The following TRAPPC9 variants were observed in gnomAD, a reference collection of about 807,000 sequenced individuals.
The protein encoded by TRAPPC9 is trafficking protein particle complex subunit 9, also known as IKK2 binding protein.
A neutral mutation model predicts 124.0 loss-of-function variants in TRAPPC9; 83 were observed. The ratio of observed to expected loss-of-function variants is 0.67; its 90% CI spans 0.56 to 0.80. TRAPPC9 has a LOEUF of 0.80. TRAPPC9 is among the 30% of genes least tolerant of loss of function. The pLI is 0.00. For synonymous variants in TRAPPC9, 638 were observed against 617.5 expected (o/e 1.03, Z -0.49); for missense variants, 1,302 against 1,508.3 (o/e 0.86, Z 2.27).
intron 21 of TRAPPC9, among the ~76,000 whole-genome samples, chr8:139,813,225 C>A (rs1824566153): frequency 6.6e-6 from 1 of 152,214 alleles, no homozygotes; most frequent in Admixed American, 6.5e-5. Context: ...TCTGTGTGAC[C>A]TAGAGTAAGT....
At chr8:140,365,138 A>C (rs2068072012) in intron 8 of TRAPPC9, among the ~76,000 whole-genome samples, 2 of 151,886 alleles carry the variant, frequency 1.3e-5, no homozygotes, top group Non-Finnish European at 2.9e-5. Context: ...AACAGCCACT[A>C]ACATTTGCTG....
At chr8:140,454,167 C>T (rs1397704741) in intron 1 of TRAPPC9, among the ~76,000 whole-genome samples, 1 of 152,012 alleles carries the variant, frequency 6.6e-6, no homozygotes, top group Non-Finnish European at 1.5e-5. Context: ...CACACACCCG[C>T]AGTCCCAGCT....
At chr8:140,061,012 G>C (rs1842576444) in intron 17 of TRAPPC9, among the ~76,000 whole-genome samples, 1 of 152,238 alleles carries the variant, frequency 6.6e-6, no homozygotes, top group Non-Finnish European at 1.5e-5. Flanking sequence ...GTCACAGTCT[G>C]GAGAGACTGT....
chr8:140,414,453 G>A (rs1357609069), intron 5 of TRAPPC9, among the ~76,000 whole-genome samples: 1 of 152,124 alleles, frequency 6.6e-6, no homozygotes, highest in East Asian at 1.9e-4. Context: ...AGGATTGCTT[G>A]AGCCTGAGAG....
intron 17 of TRAPPC9, among the ~76,000 whole-genome samples, chr8:140,033,658 G>GTTTTTTTTTTTTTTTGTTTGTTTTTTT (rs1840651624): frequency 2.4e-5 from 1 of 42,366 alleles, no homozygotes; most frequent in Admixed American, 3.7e-4. Context: ...TCATAATGTG[G>GTTTTTTTTTTTTTTTGTTTGTTTTTTT]TTTTTTTTTT....
intron 19 of TRAPPC9, among the ~76,000 whole-genome samples, chr8:139,937,169 G>C (rs1833585223): frequency 6.6e-6 from 1 of 152,172 alleles, no homozygotes; most frequent in African/African-American, 2.4e-5. Context: ...AGCCCCCTGT[G>C]TCTACAGGAC....
intron 21 of TRAPPC9, among the ~76,000 whole-genome samples, chr8:139,757,096 T>G (rs1586778293): frequency 3.8e-5 from 4 of 106,068 alleles, no homozygotes; most frequent in Non-Finnish European, 1.9e-5. Flanking sequence ...AGCCAGGGTT[T>G]GGGGATGAGG....
intron 21 of TRAPPC9, among the ~76,000 whole-genome samples, chr8:139,865,899 G>T (rs552763053): frequency 1.3e-5 from 2 of 152,312 alleles, no homozygotes; most frequent in South Asian, 2.1e-4. Context: ...TGCCCGAGGT[G>T]GTCGGGGTGC....
In TRAPPC9 at chr8:139,732,825, C is replaced by T. The variant is rs562737166; in HGVS notation, c.3056-623G>A. On this transcript the variant is annotated intron_variant, in intron 21 of 22. Transcript: ENST00000438773. The stretch of plus-strand genomic sequence containing the variant: ...AGAACAGGTGCTCAGGGAAGTGGCA[C>T]GGTTCTGGGACCCGTGGACCCTGCC... Among the ~76,000 whole-genome samples, 19 of 152,268 alleles carry T rather than the reference C, an allele frequency of 1.2e-4. No individual in the cohort carries two copies. In the East Asian group the frequency reaches 2.1e-3, roughly 17 times the overall value.
At chr8:139,912,731 T>G (rs1012627540) in intron 19 of TRAPPC9, among the ~76,000 whole-genome samples, 2 of 152,236 alleles carry the variant, frequency 1.3e-5, no homozygotes, top group African/African-American at 4.8e-5. Flanking sequence ...CCCTGAGGTC[T>G]GAATTACCCC....
At chr8:140,243,406 G>A (rs2063911156) in intron 16 of TRAPPC9, among the ~76,000 whole-genome samples, 1 of 152,228 alleles carries the variant, frequency 6.6e-6, no homozygotes, top group Non-Finnish European at 1.5e-5. Context: ...ACCATGTGCT[G>A]AGAGGAAGGG....
At chr8:139,882,684 G>T (rs569613319) in intron 21 of TRAPPC9, among the ~76,000 whole-genome samples, 2 of 152,164 alleles carry the variant, frequency 1.3e-5, no homozygotes, top group Admixed American at 1.3e-4. Flanking sequence ...AGACAGGTGC[G>T]GGTCTCAGAG....
intron 15 of TRAPPC9, among the ~76,000 whole-genome samples, chr8:140,263,329 A>G (rs2064496460): frequency 6.6e-6 from 1 of 152,146 alleles, no homozygotes; most frequent in African/African-American, 2.4e-5. Context: ...GAGGACAGGG[A>G]TGACTGTGGT....
At chr8:140,023,508 G>T (rs1481124614) in intron 18 of TRAPPC9, among the ~76,000 whole-genome samples, 2 of 152,216 alleles carry the variant, frequency 1.3e-5, no homozygotes, top group African/African-American at 4.8e-5. Context: ...TCCACAAAGT[G>T]CCCATCTTAT....
chr8:140,160,035 A>ACTCAT (rs1442891896), intron 17 of TRAPPC9, among the ~76,000 whole-genome samples: 16 of 152,382 alleles, frequency 1.0e-4, no homozygotes, highest in African/African-American at 3.8e-4. Context: ...CCCAACAGAC[A>ACTCAT]CATGAAAAAA....
intron 9 of TRAPPC9, among the ~76,000 whole-genome samples, chr8:140,325,297 G>T (rs116860708): frequency 6.6e-6 from 1 of 151,908 alleles, no homozygotes; most frequent in Non-Finnish European, 1.5e-5. Flanking sequence ...GCTAGAAAAA[G>T]ACATAAAATT....
chr8:140,365,215 G>C (rs956418524), intron 8 of TRAPPC9, among the ~76,000 whole-genome samples: 1 of 152,092 alleles, frequency 6.6e-6, no homozygotes, highest in African/African-American at 2.4e-5. Flanking sequence ...CAGTAAACGA[G>C]TGTAAACTAG....
At chr8:140,364,198 A>G (rs1224703839) in intron 8 of TRAPPC9, among the ~76,000 whole-genome samples, 2 of 151,810 alleles carry the variant, frequency 1.3e-5, no homozygotes, top group East Asian at 1.9e-4. Context: ...GACAGGAAAA[A>G]AAGAAAATGA....
At chr8:140,054,359 T>C (rs1842180459) in intron 17 of TRAPPC9, among the ~76,000 whole-genome samples, 1 of 151,988 alleles carries the variant, frequency 6.6e-6, no homozygotes, top group Non-Finnish European at 1.5e-5. Flanking sequence ...TTCAAAAATA[T>C]CTTCAGACAA....
Sources: allele counts gnomAD v4.1 joint callset (sites outside exome capture counted in the v4.1 genomes callset), GRCh38; gene constraint gnomAD v4.1.1; transcripts MANE v1.5; gene names NCBI Gene and HGNC (gene_info 2026-07-23, HGNC 2026-07-21).